The following HIPK2 variants were observed in gnomAD, a reference collection of about 807,000 sequenced individuals.
HIPK2 encodes homeodomain interacting protein kinase 2, also known as homeodomain-interacting protein kinase 2.
In HIPK2, 27 loss-of-function variants were observed where a neutral mutation model predicts 113.7. The ratio of observed to expected loss-of-function variants is 0.24; its 90% CI spans 0.17 to 0.33. The LOEUF (loss-of-function observed/expected upper bound fraction) is 0.33. HIPK2 is among the 10% of genes least tolerant of loss of function. The pLI is 1.00. For synonymous variants in HIPK2, 631 were observed against 642.2 expected, an observed-to-expected ratio of 0.98 and a Z score of 0.26; for missense variants, 1,257 against 1,588.0, an observed-to-expected ratio of 0.79 and a Z score of 3.54.
chr7:139,631,311 AG>A lies in HIPK2; in HGVS notation c.1228-28del, dbSNP rs746692951. On this transcript the variant is annotated intron_variant, in intron 3 of 14. Transcript: ENST00000406875. This position sits in a 1 kb window ranked among gnomAD's most constrained non-coding sequence, Gnocchi z 4.9. ...TGCAAGAAAAGATAAGAATGAGGTC[AG>A]GGCTTTTCCTGTCACTATACATATG... 103 of 1,592,388 alleles carry A rather than the reference AG, an allele frequency of 6.5e-5. No individual in the cohort carries two copies. The Middle Eastern group carries it at 9.9e-4, about 15-fold the overall frequency.
chr7:139,627,574 A>G (rs1800477875), intron 5 of HIPK2, among the ~76,000 whole-genome samples: 1 of 152,140 alleles, frequency 6.6e-6, no homozygotes, highest in Non-Finnish European at 1.5e-5. Context: ...TGATTTCTGT[A>G]TTTTCCAGGA....
At chr7:139,690,647 C>CA (rs1350594662) in intron 2 of HIPK2, among the ~76,000 whole-genome samples, 3 of 151,656 alleles carry the variant, frequency 2.0e-5, no homozygotes, top group African/African-American at 7.3e-5. Context: ...ACTGTCTCTA[C>CA]AAAAAATAGA....
rs1585212652 is a variant in HIPK2, at chr7:139,564,139, G to A, written c.*8788C>T. ...CCCCTCCCACCGAACTAGACTTTGAGTCTAAGCTGGACAATGAGTAAAACG... is the reference window on the plus strand; with the variant it reads ...CCCCTCCCACCGAACTAGACTTTGAATCTAAGCTGGACAATGAGTAAAACG... On this transcript the variant is annotated 3_prime_UTR_variant, in exon 15 of 15. Transcript: ENST00000406875. 7.6e-6 allele frequency: 3 copies of A among 396,430 alleles called. No homozygotes were observed. The highest frequency in any genetic ancestry group is 7.2e-5 in the East Asian group (2 of 27,966). 24.6% of individuals were successfully genotyped at this position (396,430 alleles called of 1,614,324 possible).
chr7:139,656,856 A>G (rs1801687990), intron 2 of HIPK2, among the ~76,000 whole-genome samples: 2 of 149,650 alleles, frequency 1.3e-5, no homozygotes, highest in Non-Finnish European at 1.5e-5. Flanking sequence ...ACATCCTCAG[A>G]GTTCAGTTCT....
intron 1 of HIPK2, among the ~76,000 whole-genome samples, chr7:139,735,099 C>T (rs531086487): frequency 2.0e-5 from 3 of 152,214 alleles, no homozygotes; most frequent in East Asian, 3.9e-4. Flanking sequence ...TTTTCACTGT[C>T]GAGGGGGGAA....
At chr7:139,770,039 T>A (rs965184122) in intron 1 of HIPK2, among the ~76,000 whole-genome samples, 1 of 152,220 alleles carries the variant, frequency 6.6e-6, no homozygotes, top group African/African-American at 2.4e-5. Flanking sequence ...CGAGTTCCCC[T>A]GACACTTACT....
At chr7:139,745,635 T>G (rs1402293607) in intron 1 of HIPK2, among the ~76,000 whole-genome samples, 1 of 152,102 alleles carries the variant, frequency 6.6e-6, no homozygotes, top group East Asian at 1.9e-4. Flanking sequence ...GTTCCTCCTC[T>G]TGTTTTCTCT....
chr7:139,672,965 G>A (rs1288755686), intron 2 of HIPK2, among the ~76,000 whole-genome samples: 2 of 152,004 alleles, frequency 1.3e-5, no homozygotes, highest in African/African-American at 2.4e-5. Context: ...AAAGTAATGC[G>A]AGCTGGAACA....
At chr7:139,722,464 G>A (rs545468759) in intron 1 of HIPK2, among the ~76,000 whole-genome samples, 10 of 152,198 alleles carry the variant, frequency 6.6e-5, no homozygotes, top group Non-Finnish European at 1.5e-4. Flanking sequence ...TAAAAAGCAT[G>A]TATGCAAGTC....
At chr7:139,777,549 T>G (rs1314972252) in intron 1 of HIPK2, 56 bp downstream of exon 1, 4 of 861,544 alleles carry the variant, frequency 4.6e-6, no homozygotes, top group Non-Finnish European at 5.7e-6. Flanking sequence ...AGAACAAAGC[T>G]GCGGGGGCCG....
intron 1 of HIPK2, among the ~76,000 whole-genome samples, chr7:139,732,507 C>T (rs1795819892): frequency 6.6e-6 from 1 of 152,150 alleles, no homozygotes; most frequent in Non-Finnish European, 1.5e-5. Flanking sequence ...TTAAAACAGA[C>T]AGGATGGCAT....
At chr7:139,673,198 G>A (rs754628355) in intron 2 of HIPK2, among the ~76,000 whole-genome samples, 8 of 151,842 alleles carry the variant, frequency 5.3e-5, no homozygotes, top group African/African-American at 1.7e-4. Flanking sequence ...GGGGCCCGTG[G>A]AGAGAGAAGA....
At chr7:139,574,973 G>A (rs1798437016) in intron 14 of HIPK2, 155 bp downstream of exon 14, 1 of 555,414 alleles carries the variant, frequency 1.8e-6, no homozygotes, top group Non-Finnish European at 2.3e-6. Context: ...GGTAGAAAAA[G>A]CCACCAGAGG....
rs1798024931 is a variant in HIPK2 at position 139,564,110 on chromosome 7, G to A, written c.*8817C>T. On this transcript the variant is annotated 3_prime_UTR_variant, in exon 15 of 15. Transcript: ENST00000406875. ...CTGACCATCTCTGAGAGGATGCTAA[G>A]GTCCCCCTCCCACCGAACTAGACTT... 2.5e-6 allele frequency: 1 copy of A among 397,362 alleles called. No homozygotes were observed. The highest frequency in any genetic ancestry group is 1.4e-4 in the South Asian group (1 of 7,016). 24.6% of individuals were successfully genotyped at this position (397,362 alleles called of 1,614,324 possible). A position where few individuals can be genotyped will look rare whatever the true frequency, so the allele number is the denominator to read the frequency against.
chr7:139,716,374 T>C lies in HIPK2; in HGVS notation c.661A>G (p.Thr221Ala). Residue 221 changes from threonine to alanine, a missense_variant, in exon 2 of 15, where the codon ACC (threonine) becomes GCC (alanine). Physicochemically the swap from Thr to Ala is moderately conservative, Grantham distance 58 (BLOSUM62 0). Around this residue, in one of 5 missense-constraint regions of HIPK2, gnomAD observed 78 missense variants for 145.7 expected, o/e 0.54. Coordinates refer to ENST00000406875, the MANE Select transcript of HIPK2 (RefSeq NM_022740.5). This position sits in a 1 kb window ranked among gnomAD's most constrained non-coding sequence, Gnocchi z 9.3. ...GQVVKCWKRG[T>A]NEIVAIKILK... Reference sequence around the variant, plus strand: ...ATCTTGATGGCTACGATCTCATTGGTGCCCCGTTTCCAGCACTTGACCACT... The same window carrying C: ...ATCTTGATGGCTACGATCTCATTGGCGCCCCGTTTCCAGCACTTGACCACT... 6.2e-7 allele frequency: 1 copy of C among 1,614,128 alleles called. No individual in the cohort carries two copies. Among genetic ancestry groups the C allele is most frequent in the Non-Finnish European group, 8.5e-7 (1 of 1,180,018 alleles).
rs572643012 is a variant in HIPK2, at chr7:139,718,105, G to A, written c.20-1090C>T. On this transcript the variant is annotated intron_variant, in intron 1 of 14. Transcript: ENST00000406875. ...AATTTAGATAAACTTAGAAACCTAT[G>A]AGACCGTTATTCTGGAACACTTGTA... Among the ~76,000 whole-genome samples the A allele has an allele frequency of 2.6e-5, 4 of 152,288 alleles. No individual in the cohort carries two copies. The South Asian group carries it at 6.2e-4, about 24-fold the overall frequency.
At chr7:139,640,446 G>T (rs952997663) in intron 2 of HIPK2, among the ~76,000 whole-genome samples, 6 of 152,158 alleles carry the variant, frequency 3.9e-5, no homozygotes, top group African/African-American at 1.4e-4. Flanking sequence ...AGTGTTCACC[G>T]GGTTGAATCC....
chr7:139,619,729 A>AT (rs958265158), intron 7 of HIPK2, among the ~76,000 whole-genome samples: 1 of 151,982 alleles, frequency 6.6e-6, no homozygotes, highest in South Asian at 2.1e-4. Flanking sequence ...TAGAATCTTT[A>AT]TTTTTTTTAG....
rs201034405 is a variant in HIPK2, at chr7:139,677,010, C to T, written c.1103+38922G>A. 3.9e-5 allele frequency among the ~76,000 whole-genome samples: 6 copies of T among 151,974 alleles called. No individual in the cohort carries two copies. In the East Asian group the frequency reaches 1.2e-3, roughly 29 times the overall value. On this transcript the variant is annotated intron_variant, in intron 2 of 14. Coordinates refer to ENST00000406875, the MANE Select transcript of HIPK2 (RefSeq NM_022740.5). ...CCGAGTAGCTGGGATTACAGGCATGCACCACCACACCTGGCTAATTTTGCA... is the reference window on the plus strand; with the variant it reads ...CCGAGTAGCTGGGATTACAGGCATGTACCACCACACCTGGCTAATTTTGCA...
Sources: gnomAD v4.1 joint callset for allele counts (sites outside exome capture counted in the v4.1 genomes callset) on GRCh38, gnomAD v4.1.1 for gene constraint, gnomAD v4.1.1 regional missense constraint, Gnocchi (gnomAD v3.1) non-coding constraint, MANE v1.5 for transcripts, NCBI Gene and HGNC (gene_info 2026-07-23, HGNC 2026-07-21) for gene names.